CNTNAP2: variants seen among roughly 807,000 people sequenced by gnomAD.
CNTNAP2 encodes the protein contactin associated protein 2, also known as contactin-associated protein-like 2.
A neutral mutation model predicts 155.2 loss-of-function variants in CNTNAP2; 98 were observed. That is an observed-to-expected ratio of 0.63 (90% CI 0.54 to 0.75). The LOEUF (loss-of-function observed/expected upper bound fraction) is 0.75, where lower values mean the gene tolerates loss of function less well. CNTNAP2 is among the 30% of genes least tolerant of loss of function. CNTNAP2 has a pLI of 0.00. For synonymous variants in CNTNAP2, 651 were observed against 631.2 expected, an observed-to-expected ratio of 1.03 and a Z score of -0.47; for missense variants, 1,727 against 1,688.1, an observed-to-expected ratio of 1.02 and a Z score of -0.40.
chr7:147,930,394 A>G (rs1342330830), intron 14 of CNTNAP2, among the ~76,000 whole-genome samples: 6 of 152,176 alleles, frequency 3.9e-5, no homozygotes, highest in Admixed American at 3.9e-4. Context: ...AACAAATGAT[A>G]ATCTATGCAA....
At chr7:147,240,854 C>T (rs1327677537) in intron 8 of CNTNAP2, among the ~76,000 whole-genome samples, 1 of 152,106 alleles carries the variant, frequency 6.6e-6, no homozygotes, top group Non-Finnish European at 1.5e-5. Context: ...ATTATGACTC[C>T]TTTCATTTAA....
intron 8 of CNTNAP2, among the ~76,000 whole-genome samples, chr7:147,137,250 CAT>C (rs1366624523): frequency 6.6e-6 from 1 of 150,872 alleles, no homozygotes; most frequent in African/African-American, 2.4e-5. Flanking sequence ...AATTTAATAA[CAT>C]GGTAAAAAAT....
chr7:148,136,901 T>C (rs1804963999), intron 16 of CNTNAP2, among the ~76,000 whole-genome samples: 1 of 152,222 alleles, frequency 6.6e-6, no homozygotes, highest in Non-Finnish European at 1.5e-5. Flanking sequence ...TTTTATGCAA[T>C]CTATACAAGA....
chr7:147,530,628 C>G lies in CNTNAP2; in HGVS notation c.1778-31510C>G, dbSNP rs112276503. The stretch of plus-strand genomic sequence containing the variant: ...GGCACCCTGGATTCAGTTACCTCCC[C>G]CTCAGTCCCTCCTACAACACATGGG... On this transcript the variant is annotated intron_variant, in intron 11 of 23. Transcript: ENST00000361727. Among the ~76,000 whole-genome samples the G allele has an allele frequency of 2.8e-4, 43 of 152,262 alleles. 1 individual carries two copies. Among genetic ancestry groups the G allele is most frequent in the African/African-American group, 7.9e-4 (33 of 41,546 alleles).
At chr7:147,600,401 C>T (rs761810517) in intron 12 of CNTNAP2, among the ~76,000 whole-genome samples, 1 of 152,174 alleles carries the variant, frequency 6.6e-6, no homozygotes, top group Admixed American at 6.5e-5. Context: ...TTCAACTCTG[C>T]CTTTGTAGTG....
intron 1 of CNTNAP2, among the ~76,000 whole-genome samples, chr7:146,303,099 T>C (rs1396209841): frequency 6.9e-6 from 1 of 144,278 alleles, no homozygotes; most frequent in African/African-American, 2.9e-5. Context: ...TGTGTGTGTG[T>C]GTGTGTGTGC....
intron 13 of CNTNAP2, among the ~76,000 whole-genome samples, chr7:147,718,391 T>G (rs975950248): frequency 2.6e-5 from 4 of 152,150 alleles, no homozygotes; most frequent in African/African-American, 9.7e-5. Context: ...TAACTTGTGA[T>G]GAAATGCATG....
At chr7:146,147,619 A>G (rs570471931) in intron 1 of CNTNAP2, among the ~76,000 whole-genome samples, 41 of 152,204 alleles carry the variant, frequency 2.7e-4, no homozygotes, top group South Asian at 1.5e-3. Flanking sequence ...TCTGTTATCA[A>G]TCCCTTTAGC....
At chr7:148,175,911 A>G (rs562578165) in intron 18 of CNTNAP2, among the ~76,000 whole-genome samples, 79 of 151,736 alleles carry the variant, frequency 5.2e-4, no homozygotes, top group African/African-American at 1.9e-3. Context: ...CATAAGCACA[A>G]TCTTTATTTC....
intron 1 of CNTNAP2, among the ~76,000 whole-genome samples, chr7:146,757,662 G>A (rs1330229249): frequency 6.6e-6 from 1 of 152,116 alleles, no homozygotes; most frequent in African/African-American, 2.4e-5. Flanking sequence ...TAGAACTTAA[G>A]TTTTCTAAAT....
chr7:146,779,233 A>G (rs1042569228), intron 2 of CNTNAP2, among the ~76,000 whole-genome samples: 3 of 152,202 alleles, frequency 2.0e-5, no homozygotes, highest in Non-Finnish European at 2.9e-5. Flanking sequence ...TCATTAAAGT[A>G]AGTTTTTCTT....
intron 17 of CNTNAP2, among the ~76,000 whole-genome samples, chr7:148,159,298 C>G (rs951316995): frequency 1.3e-5 from 2 of 152,096 alleles, no homozygotes; most frequent in African/African-American, 2.4e-5. Context: ...CCCACTGAAA[C>G]GTATTTTATG....
At chr7:147,267,077 C>T (rs1326881973) in intron 8 of CNTNAP2, among the ~76,000 whole-genome samples, 1 of 152,112 alleles carries the variant, frequency 6.6e-6, no homozygotes, top group Non-Finnish European at 1.5e-5. Context: ...GGCTTTCTTG[C>T]TTAGCTTAAT....
At chr7:147,810,121 C>A (rs1381657790) in intron 13 of CNTNAP2, among the ~76,000 whole-genome samples, 2 of 152,064 alleles carry the variant, frequency 1.3e-5, no homozygotes, top group African/African-American at 4.8e-5. Context: ...ATGCCAAGTA[C>A]TGCTAAACCT....
chr7:146,664,690 G>A (rs1800159918), intron 1 of CNTNAP2, among the ~76,000 whole-genome samples: 1 of 151,904 alleles, frequency 6.6e-6, no homozygotes, highest in African/African-American at 2.4e-5. Flanking sequence ...TTTCTTTATT[G>A]TTAGCAAGAT....
chr7:147,083,859 A>G (rs1800202586), intron 4 of CNTNAP2, among the ~76,000 whole-genome samples: 1 of 140,800 alleles, frequency 7.1e-6, no homozygotes, highest in Non-Finnish European at 1.5e-5. Context: ...ATACATATAC[A>G]CATGTATGTA....
intron 1 of CNTNAP2, among the ~76,000 whole-genome samples, chr7:146,615,813 G>A (rs1799214603): frequency 6.6e-6 from 1 of 152,174 alleles, no homozygotes; most frequent in Non-Finnish European, 1.5e-5. Flanking sequence ...GAGCAGTGGT[G>A]TTGGGTTCCA....
At chr7:147,748,923 A>T (rs1409606574) in intron 13 of CNTNAP2, among the ~76,000 whole-genome samples, 1 of 152,208 alleles carries the variant, frequency 6.6e-6, no homozygotes, top group African/African-American at 2.4e-5. Context: ...ATCTGCATGT[A>T]GGGATCTGAA....
intron 3 of CNTNAP2, among the ~76,000 whole-genome samples, chr7:146,920,751 C>A (rs968201091): frequency 2.0e-5 from 3 of 152,244 alleles, no homozygotes; most frequent in Admixed American, 6.5e-5. Flanking sequence ...TTTAGTTAAT[C>A]TTTCACTTTG....
Sources: gnomAD v4.1 joint callset for allele counts (sites outside exome capture counted in the v4.1 genomes callset) on GRCh38, gnomAD v4.1.1 for gene constraint, MANE v1.5 for transcripts, NCBI Gene and HGNC (gene_info 2026-07-23, HGNC 2026-07-21) for gene names.